YTHDF3: variants seen among roughly 807,000 people sequenced by gnomAD.
The protein encoded by YTHDF3 is YTH N6-methyladenosine RNA binding protein F3.
In YTHDF3, 9 loss-of-function variants were observed where a neutral mutation model predicts 52.5. That is an observed-to-expected ratio of 0.17 (90% CI 0.10 to 0.30). The LOEUF (loss-of-function observed/expected upper bound fraction) is 0.30, where lower values mean the gene tolerates loss of function less well. Among genes scored for constraint, YTHDF3 ranks in the 10% least tolerant of loss-of-function variants. YTHDF3 has a pLI of 1.00. For missense variants in YTHDF3, 534 were observed against 715.0 expected (o/e 0.75, Z 2.89); for synonymous variants, 274 against 243.3 (o/e 1.13, Z -1.18).
chr8:63,204,869 G>T (rs1004666425), intron 4 of YTHDF3, among the ~76,000 whole-genome samples: 2 of 152,096 alleles, frequency 1.3e-5, no homozygotes, highest in African/African-American at 4.8e-5. Context: ...TATTGCTAAT[G>T]GTGATAAATC....
chr8:63,174,168 ATGT>A (rs371412654), intron 2 of YTHDF3, among the ~76,000 whole-genome samples: 1 of 152,200 alleles, frequency 6.6e-6, no homozygotes, highest in African/African-American at 2.4e-5. Flanking sequence ...AAATTTGGTG[ATGT>A]TGTACCTTTG....
At chr8:63,172,315 T>C (rs1807379768) in intron 2 of YTHDF3, among the ~76,000 whole-genome samples, 1 of 152,186 alleles carries the variant, frequency 6.6e-6, no homozygotes, top group African/African-American at 2.4e-5. Context: ...TCTTAGGCCT[T>C]ACTGCCTCCT....
intron 3 of YTHDF3, among the ~76,000 whole-genome samples, chr8:63,178,098 GAC>G (rs1434341939): frequency 2.0e-5 from 3 of 152,182 alleles, no homozygotes; most frequent in Non-Finnish European, 4.4e-5. Flanking sequence ...GACTGTAAAA[GAC>G]AGTTTTGGAA....
chr8:63,212,700 G>C lies in YTHDF3; in HGVS notation c.*2994G>C, dbSNP rs1411914575. The C allele has an allele frequency of 6.6e-6, 1 of 152,600 alleles. No individual in the cohort carries two copies. Among genetic ancestry groups the C allele is most frequent in the Non-Finnish European group, 1.5e-5 (1 of 68,016 alleles). The allele number at this position is 152,600 out of a possible 1,614,324, so 9.5% of individuals were successfully genotyped here. ...GTTCATTCCTGTGAATGATGGTACA[G>C]TTAGGTGAGATTTTCTGTTATGGTA... On this transcript the variant is annotated 3_prime_UTR_variant, in exon 5 of 5. Coordinates refer to ENST00000539294, the MANE Select transcript of YTHDF3 (RefSeq NM_152758.6).
At chr8:63,202,547 C>T (rs979541467) in intron 4 of YTHDF3, among the ~76,000 whole-genome samples, 27 of 151,648 alleles carry the variant, frequency 1.8e-4, no homozygotes, top group Admixed American at 5.9e-4. Flanking sequence ...CTGCAACCTC[C>T]GCCTCCTGGG....
At position 63,187,083 on chromosome 8, in the gene YTHDF3, C is replaced by G; in HGVS notation, c.1072C>G (p.Arg358Gly). 1 of 1,613,742 alleles carries G rather than the reference C, an allele frequency of 6.2e-7. No homozygotes were observed. Among genetic ancestry groups the G allele is most frequent in the Non-Finnish European group, 8.5e-7 (1 of 1,179,796 alleles). Reference sequence around the variant, plus strand: ...GCTGCAGAATCGCTGGGTAGCTCCTCGTAACAGGGGAGCAGGCTTCAACCA... The same window carrying G: ...GCTGCAGAATCGCTGGGTAGCTCCTGGTAACAGGGGAGCAGGCTTCAACCA... ...QQLQNRWVAP[R>G]NRGAGFNQNN... Residue 358 changes from arginine (R) to glycine (G), a missense_variant, in exon 4 of 5, where the codon CGT becomes GGT. This residue lies in a region of YTHDF3 where 203 missense variants were observed against 201.3 expected (regional missense o/e 1.01). Transcript: ENST00000539294.
At position 63,187,128 on chromosome 8, in the gene YTHDF3, G is replaced by C; in HGVS notation, c.1117G>C (p.Glu373Gln). 1.9e-6 allele frequency: 3 copies of C among 1,613,926 alleles called. No individual in the cohort carries two copies. The highest frequency in any genetic ancestry group is 2.5e-6 in the Non-Finnish European group (3 of 1,179,858). Residue 373 changes from glutamate (E) to glutamine (Q), a missense_variant, in exon 4 of 5, where the codon GAA becomes CAA. Glu to Gln is a conservative substitution (Grantham distance 29, BLOSUM62 2). Around this residue, in one of 3 missense-constraint regions of YTHDF3, gnomAD observed 203 missense variants for 201.3 expected, o/e 1.01. Coordinates refer to ENST00000539294, the MANE Select transcript of YTHDF3 (RefSeq NM_152758.6). ...CAACCAGAACAATGGAGCGGGCAGTGAAAACTTTGGTTTAGGTGTTGTACC... is the reference window on the plus strand; with the variant it reads ...CAACCAGAACAATGGAGCGGGCAGTCAAAACTTTGGTTTAGGTGTTGTACC... ...GFNQNNGAGS[E>Q]NFGLGVVPVS... is the part of the protein sequence containing the mutation.
intron 1 of YTHDF3, 29 bp downstream of exon 1, chr8:63,168,930 G>A: frequency 5.8e-6 from 9 of 1,549,272 alleles, no homozygotes; most frequent in Non-Finnish European, 7.9e-6. Context: ...CAGGCTTGGC[G>A]AAGGCCCGAG....
intron 4 of YTHDF3, among the ~76,000 whole-genome samples, chr8:63,196,848 A>C (rs1809273017): frequency 1.3e-5 from 2 of 152,204 alleles, no homozygotes; most frequent in Non-Finnish European, 2.9e-5. Flanking sequence ...CGTACTGTTC[A>C]TGAAACCATA....
chr8:63,194,645 C>G (rs1332015984), intron 4 of YTHDF3, among the ~76,000 whole-genome samples: 1 of 152,104 alleles, frequency 6.6e-6, no homozygotes, highest in East Asian at 1.9e-4. Flanking sequence ...CCCCAGAAAA[C>G]TATAGTGTTT....
chr8:63,191,809 C>A (rs565225401), intron 4 of YTHDF3, among the ~76,000 whole-genome samples: 2 of 152,072 alleles, frequency 1.3e-5, no homozygotes, highest in Non-Finnish European at 2.9e-5. Context: ...TGCAATTCAT[C>A]TATGTCGTTG....
At chr8:63,179,065 A>G (rs1807894835) in intron 3 of YTHDF3, among the ~76,000 whole-genome samples, 1 of 152,202 alleles carries the variant, frequency 6.6e-6, no homozygotes, top group East Asian at 1.9e-4. Flanking sequence ...ATTGCTTTGT[A>G]TACTTAGATC....
At position 63,199,948 on chromosome 8, in the gene YTHDF3, ACTGT is replaced by A. The variant is rs1318397588; in HGVS notation, c.1735-9732_1735-9729del. The stretch of plus-strand genomic sequence containing the variant: ...TGAATTGCTGTCTCAGTTATTTACG[ACTGT>A]CTAATAGATTTCTCCAAAACTCATT... On this transcript the variant is annotated intron_variant, in intron 4 of 4. Transcript: ENST00000539294. Among the ~76,000 whole-genome samples, 9 of 152,208 alleles carry A rather than the reference ACTGT, an allele frequency of 5.9e-5. No individual in the cohort carries two copies. The East Asian group carries it at 1.5e-3, about 26-fold the overall frequency.
chr8:63,175,484 T>C (rs1397756171), intron 3 of YTHDF3, 68 bp downstream of exon 3: 1 of 1,233,016 alleles, frequency 8.1e-7, no homozygotes. Flanking sequence ...ATTTTTCAAA[T>C]AGATTATTTA....
At chr8:63,201,687 G>A (rs1227233354) in intron 4 of YTHDF3, among the ~76,000 whole-genome samples, 2 of 152,176 alleles carry the variant, frequency 1.3e-5, no homozygotes, top group Non-Finnish European at 2.9e-5. Flanking sequence ...TGACGCGCTT[G>A]ATATACTTTG....
At chr8:63,173,531 T>G (rs1480243980) in intron 2 of YTHDF3, 2 of 371,594 alleles carry the variant, frequency 5.4e-6, no homozygotes, top group Admixed American at 6.5e-5. Flanking sequence ...ATATGAGAGA[T>G]AGTTAGTCAT....
chr8:63,196,587 G>T (rs1204322742), intron 4 of YTHDF3, among the ~76,000 whole-genome samples: 1 of 151,166 alleles, frequency 6.6e-6, no homozygotes, highest in Non-Finnish European at 1.5e-5. Context: ...GAATAAAAAA[G>T]GACAAAGACA....
chr8:63,210,524 T>C lies in YTHDF3; in HGVS notation c.*818T>C, dbSNP rs1264105188. On this transcript the variant is annotated 3_prime_UTR_variant, in exon 5 of 5. Transcript: ENST00000539294. ...ACTTTTTATGACCTTTATAACTACA[T>C]TTAAAACCCTTAATTCCTATTTCTG... 1.3e-5 allele frequency: 2 copies of C among 152,592 alleles called. No homozygotes were observed. The highest frequency in any genetic ancestry group is 4.8e-5 in the African/African-American group (2 of 41,460). 9.5% of individuals were successfully genotyped at this position (152,592 alleles called of 1,614,324 possible).
chr8:63,169,295 A>G, intron 1 of YTHDF3, 92 bp from the exon 2 acceptor site: 1 of 1,500,386 alleles, frequency 6.7e-7, no homozygotes, highest in South Asian at 1.2e-5. Context: ...GATAGTCTAA[A>G]ATAACTTGTC....
Sources: allele counts gnomAD v4.1 joint callset (sites outside exome capture counted in the v4.1 genomes callset), GRCh38; gene constraint gnomAD v4.1.1; regional missense constraint gnomAD v4.1.1; transcripts MANE v1.5; gene names NCBI Gene and HGNC (gene_info 2026-07-23, HGNC 2026-07-21).